APLP1: variants seen among roughly 807,000 people sequenced by gnomAD.
APLP1 encodes amyloid beta (A4) precursor-like protein 1.
A neutral mutation model predicts 84.5 loss-of-function variants in APLP1; 46 were observed. The ratio of observed to expected loss-of-function variants is 0.54; its 90% confidence interval spans 0.43 to 0.70. APLP1 has a LOEUF of 0.70. Among genes scored for constraint, APLP1 ranks in the 30% least tolerant of loss-of-function variants. The probability of loss-of-function intolerance (pLI) is 0.00; values close to 1 mark genes in which losing one functional copy is unlikely to be tolerated. For synonymous variants in APLP1, 376 were observed against 364.0 expected (o/e 1.03, Z -0.38); for missense variants, 826 against 900.2 (o/e 0.92, Z 1.05).
chr19:35,870,323 G>A (rs1974111509), intron 2 of APLP1: 1 of 173,058 alleles, frequency 5.8e-6, no homozygotes, highest in Non-Finnish European at 1.2e-5. Context: ...GGGACCTTCA[G>A]AAAGAAACAG....
In APLP1 at chr19:35,874,431, CT is replaced by C. The variant is rs750366727; in HGVS notation, c.1057-70del. ...GCCCCCCAACCCCATGTAGCCCTGC[CT>C]TTCCAGGCTCTCTTTGACCAGGCTT... On this transcript the variant is annotated intron_variant, in intron 8 of 16. Coordinates refer to ENST00000221891, the MANE Select transcript of APLP1 (RefSeq NM_001024807.3). This position sits in a 1 kb window ranked among gnomAD's most constrained non-coding sequence, Gnocchi z 6.4. 1.0e-5 allele frequency: 16 copies of C among 1,581,040 alleles called. No homozygotes were observed. The highest frequency in any genetic ancestry group is 1.4e-5 in the Non-Finnish European group (16 of 1,155,836).
intron 14 of APLP1, 30 bp downstream of exon 14, chr19:35,878,684 A>C (rs751837180): frequency 6.2e-7 from 1 of 1,613,132 alleles, no homozygotes; most frequent in South Asian, 1.1e-5. Context: ...GGGCTCCCTA[A>C]GGGGAACAAG....
At chr19:35,869,330 G>GA (rs753775952) in intron 1 of APLP1, 58 of 541,924 alleles carry the variant, frequency 1.1e-4, no homozygotes, top group African/African-American at 6.2e-4. Flanking sequence ...GAGGGAGGAG[G>GA]GGCCAGAACT....
At chr19:35,870,875 G>A in intron 2 of APLP1, 21 bp from the exon 3 acceptor site, 1 of 1,597,874 alleles carries the variant, frequency 6.3e-7, no homozygotes, top group Non-Finnish European at 8.5e-7. Flanking sequence ...TGGGCTGATT[G>A]CCCCCATCTG....
At position 35,879,561 on chromosome 19, in the gene APLP1, T is replaced by C. The variant is rs1386222362; in HGVS notation, c.*120T>C. On this transcript the variant is annotated 3_prime_UTR_variant, in exon 17 of 17. Coordinates refer to ENST00000221891, the MANE Select transcript of APLP1 (RefSeq NM_001024807.3). The stretch of plus-strand genomic sequence containing the variant: ...GAAGTGATCATTTCACACCCTTTTG[T>C]GAGACGGCTGGAAATTCTTATTTCC... 5 of 775,428 alleles carry C rather than the reference T, an allele frequency of 6.4e-6. No homozygotes were observed. Among genetic ancestry groups the C allele is most frequent in the Non-Finnish European group, 1.0e-5 (5 of 487,138 alleles). The allele number at this position is 775,428 out of a possible 1,614,324, so 48.0% of individuals were successfully genotyped here.
rs1974067574 is a variant in APLP1 at position 35,868,984 on chromosome 19, G to A, written c.147+201G>A. 2.6e-6 allele frequency: 1 copy of A among 377,752 alleles called. No individual in the cohort carries two copies. Among genetic ancestry groups the A allele is most frequent in the South Asian group, 9.8e-5 (1 of 10,176 alleles). The allele number at this position is 377,752 out of a possible 1,614,324, so 23.4% of individuals were successfully genotyped here. ...CGACGTCCCAGCCCCCTCCCATCTC[G>A]AGCATAGGAACTGGTCTATTCAGAG... On this transcript the variant is annotated intron_variant, in intron 1 of 16. Transcript: ENST00000221891. This position sits in a 1 kb window ranked among gnomAD's most constrained non-coding sequence, Gnocchi z 5.2.
chr19:35,879,719 C>G lies in APLP1; in HGVS notation c.*278C>G. 2.2e-6 allele frequency: 1 copy of G among 445,710 alleles called. No individual in the cohort carries two copies. Among genetic ancestry groups the G allele is most frequent in the East Asian group, 4.1e-5 (1 of 24,600 alleles). 27.6% of individuals were successfully genotyped at this position (445,710 alleles called of 1,614,324 possible). The stretch of plus-strand genomic sequence containing the variant: ...CTTTAAGGTGACCGCCACCTTGGTC[C>G]TAGTGTCTATTCCCTGGAATTCACC... On this transcript the variant is annotated 3_prime_UTR_variant, in exon 17 of 17. Coordinates refer to ENST00000221891, the MANE Select transcript of APLP1 (RefSeq NM_001024807.3).
rs771878624 is a variant in APLP1 at position 35,877,679 on chromosome 19, G to A, written c.1445-39G>A. ...TAGGGTGCCCTCCACTCACCCCTATGCTCACTACCTCAGCCACCTTTCTGC... is the reference window on the plus strand; with the variant it reads ...TAGGGTGCCCTCCACTCACCCCTATACTCACTACCTCAGCCACCTTTCTGC... On this transcript the variant is annotated intron_variant, in intron 11 of 16. Coordinates refer to ENST00000221891, the MANE Select transcript of APLP1 (RefSeq NM_001024807.3). 1.6e-5 allele frequency: 24 copies of A among 1,496,652 alleles called. No individual in the cohort carries two copies. In the South Asian group the frequency reaches 2.7e-4, roughly 17 times the overall value. 92.7% of individuals were successfully genotyped at this position (1,496,652 alleles called of 1,614,324 possible). A position where few individuals can be genotyped will look rare whatever the true frequency, so the allele number is the denominator to read the frequency against.
intron 1 of APLP1, 94 bp from the exon 2 acceptor site, chr19:35,869,573 G>C: frequency 6.7e-7 from 1 of 1,501,652 alleles, no homozygotes; most frequent in East Asian, 2.4e-5. Flanking sequence ...GGAGGGGGCT[G>C]GTGCTGGGGG....
Position 35,869,727 on chromosome 19 carries a change from C to T in APLP1, c.208C>T (p.Arg70Cys), listed in dbSNP as rs1278064606. Residue 70 changes from arginine (R) to cysteine (C), a missense_variant, in exon 2 of 17, where the codon CGC becomes TGC. Arg to Cys is a radical substitution (Grantham distance 180). This residue lies in a region of APLP1 where 383 missense variants were observed against 378.3 expected (regional missense o/e 1.01). Coordinates refer to ENST00000221891, the MANE Select transcript of APLP1 (RefSeq NM_001024807.3). ...CGRLTLHRDL[R>C]TGRWEPDPQR... The stretch of plus-strand genomic sequence containing the variant: ...GCGCCTAACCCTTCACCGGGACCTG[C>T]GCACCGGCCGCTGGGAACCAGACCC... The T allele has an allele frequency of 6.2e-7, 1 of 1,611,138 alleles. No individual in the cohort carries two copies. The highest frequency in any genetic ancestry group is 8.5e-7 in the Non-Finnish European group (1 of 1,179,346).
At chr19:35,875,289 G>C (rs1568476729) in intron 10 of APLP1, among the ~76,000 whole-genome samples, 1 of 150,390 alleles carries the variant, frequency 6.6e-6, no homozygotes, top group Non-Finnish European at 1.5e-5. Context: ...AGCCTCTCGA[G>C]TAGCTGGGAT....
At chr19:35,871,520 C>T in intron 4 of APLP1, 92 bp from the exon 5 acceptor site, 2 of 1,527,112 alleles carry the variant, frequency 1.3e-6, no homozygotes, top group South Asian at 1.2e-5. Context: ...TCCAGGCTCC[C>T]AGCCTCATCA....
At position 35,879,444 on chromosome 19, in the gene APLP1, C is replaced by T. The variant is rs1974368124; in HGVS notation, c.*3C>T. On this transcript the variant is annotated 3_prime_UTR_variant, in exon 17 of 17. Transcript: ENST00000221891. The stretch of plus-strand genomic sequence containing the variant: ...GCTTCCTGGAGGAACGACCCTGACC[C>T]GGCCCCCTTCACCCCTTCAGCCGAG... The T allele has an allele frequency of 1.9e-6, 3 of 1,612,686 alleles. No individual in the cohort carries two copies. Among genetic ancestry groups the T allele is most frequent in the South Asian group, 1.1e-5 (1 of 91,006 alleles).
At position 35,874,814 on chromosome 19, in the gene APLP1, A is replaced by G. The variant is rs1974242333; in HGVS notation, c.1289A>G (p.His430Arg). The G allele has an allele frequency of 1.9e-6, 3 of 1,612,522 alleles. No homozygotes were observed. Among genetic ancestry groups the G allele is most frequent in the Admixed American group, 1.7e-5 (1 of 59,998 alleles). ...EQKEQRHTLR[H>R]YQHVAAVDPE... The stretch of plus-strand genomic sequence containing the variant: ...AAGGAACAGAGGCACACGCTGCGCC[A>G]CTACCAGCATGTGGCCGCCGTGGAT... The change falls in exon 10 of 17, where the codon CAC (histidine) becomes CGC (arginine). Residue 430 changes from histidine to arginine, a missense_variant. His to Arg is a conservative substitution (Grantham distance 29, BLOSUM62 0). Around this residue, in one of 3 missense-constraint regions of APLP1, gnomAD observed 433 missense variants for 496.5 expected, o/e 0.87. Transcript: ENST00000221891. This position sits in a 1 kb window ranked among gnomAD's most constrained non-coding sequence, Gnocchi z 6.4.
At position 35,870,936 on chromosome 19, in the gene APLP1, C is replaced by G. The variant is rs757097521; in HGVS notation, c.332C>G (p.Thr111Arg). ...CAGATTGCACGTGTGGAGCAGGCTA[C>G]GCAGGCCATCCCCATGGAGCGCTGG... is the stretch of plus-strand genomic sequence containing the variant. ...ELQIARVEQA[T>R]QAIPMERWCG... The change falls in exon 3 of 17, where the codon ACG (threonine) becomes AGG (arginine). Residue 111 changes from threonine (T) to arginine (R), a missense_variant. Physicochemically the swap from Thr to Arg is moderately conservative, Grantham distance 71 (BLOSUM62 -1). Coordinates refer to ENST00000221891, the MANE Select transcript of APLP1 (RefSeq NM_001024807.3). 17 of 1,600,542 alleles carry G rather than the reference C, an allele frequency of 1.1e-5. No individual in the cohort carries two copies. In the East Asian group the frequency reaches 2.9e-4, roughly 28 times the overall value.
At position 35,879,210 on chromosome 19, in the gene APLP1, T is replaced by C. The variant is rs758452673; in HGVS notation, c.1850T>C (p.Val617Ala). The C allele has an allele frequency of 6.2e-7, 1 of 1,612,568 alleles. No individual in the cohort carries two copies. The highest frequency in any genetic ancestry group is 1.1e-5 in the South Asian group (1 of 91,066). Residue 617 changes from valine to alanine, a missense_variant, in exon 16 of 17, where the codon GTG becomes GCG. Coordinates refer to ENST00000221891, the MANE Select transcript of APLP1 (RefSeq NM_001024807.3). ...KKPYGAISHGVVEVDPMLTLE... is the reference protein window; with the variant it reads ...KKPYGAISHGAVEVDPMLTLE... ...CCCTACGGGGCTATCAGCCATGGCG[T>C]GGTGGAGGTGAGAACCATGGCGTGG...
rs1453113484 is a variant in APLP1 at position 35,870,897 on chromosome 19, T to G, written c.293T>G (p.Met98Arg). The G allele has an allele frequency of 6.2e-7, 1 of 1,604,482 alleles. No individual in the cohort carries two copies. Among genetic ancestry groups the G allele is most frequent in the South Asian group, 1.1e-5 (1 of 88,594 alleles). ...PQRVLEYCRQ[M>R]YPELQIARVE... ...ATTGCCCCCATCTGATCCCCCCAGA[T>G]GTACCCGGAGCTGCAGATTGCACGT... Residue 98 changes from methionine (M) to arginine (R), a missense_variant and splice_region_variant, in exon 3 of 17, where the codon ATG becomes AGG. By Grantham distance (91) the Met-to-Arg change is moderately conservative. Around this residue, in one of 3 missense-constraint regions of APLP1, gnomAD observed 383 missense variants for 378.3 expected, o/e 1.01. Coordinates refer to ENST00000221891, the MANE Select transcript of APLP1 (RefSeq NM_001024807.3).
chr19:35,875,573 G>C (rs1302323934), intron 10 of APLP1, among the ~76,000 whole-genome samples: 1 of 152,064 alleles, frequency 6.6e-6, no homozygotes, highest in African/African-American at 2.4e-5. Flanking sequence ...ATCCACCCTT[G>C]GCCTCCTAAA....
intron 10 of APLP1, 139 bp downstream of exon 10, chr19:35,875,008 C>T: frequency 6.5e-6 from 8 of 1,236,078 alleles, no homozygotes; most frequent in Non-Finnish European, 6.6e-6. Context: ...TCTGCCCCTT[C>T]CCAGTCTCTC....
Sources: allele counts gnomAD v4.1 joint callset (sites outside exome capture counted in the v4.1 genomes callset), GRCh38; gene constraint gnomAD v4.1.1; regional missense constraint gnomAD v4.1.1; non-coding constraint Gnocchi (gnomAD v3.1); transcripts MANE v1.5; gene names NCBI Gene and HGNC (gene_info 2026-07-23, HGNC 2026-07-21).